Variants in GRIK2 observed in about 807,000 individuals in gnomAD.
GRIK2 encodes the protein glutamate ionotropic receptor kainate type subunit 2.
A neutral mutation model predicts 100.3 loss-of-function variants in GRIK2; 32 were observed. The ratio of observed to expected loss-of-function variants is 0.32; its 90% CI spans 0.24 to 0.43. The LOEUF (loss-of-function observed/expected upper bound fraction) is 0.43. Among genes scored for constraint, GRIK2 ranks in the 20% least tolerant of loss-of-function variants. The pLI is 1.00. For synonymous variants in GRIK2, 417 were observed against 389.4 expected, an observed-to-expected ratio of 1.07 and a Z score of -0.83; for missense variants, 843 against 1,114.9, an observed-to-expected ratio of 0.76 and a Z score of 3.47.
At chr6:101,975,839 C>CTATA (rs1554185812) in intron 14 of GRIK2, among the ~76,000 whole-genome samples, 1 of 151,836 alleles carries the variant, frequency 6.6e-6, no homozygotes, top group Non-Finnish European at 1.5e-5. Context: ...ATCTATCTAT[C>CTATA]TATCTATCCC....
chr6:101,867,626 T>C (rs1221589090), intron 11 of GRIK2, among the ~76,000 whole-genome samples: 2 of 151,934 alleles, frequency 1.3e-5, no homozygotes, highest in East Asian at 3.9e-4. Flanking sequence ...GCAGTAATAA[T>C]AGTTCTCAAA....
chr6:101,637,192 C>T (rs2128322852), intron 4 of GRIK2, among the ~76,000 whole-genome samples: 1 of 152,194 alleles, frequency 6.6e-6, no homozygotes, highest in South Asian at 2.1e-4. Context: ...CTCCCTAAAA[C>T]CTTTCATTTG....
At chr6:101,980,951 C>A (rs1467135777) in intron 14 of GRIK2, among the ~76,000 whole-genome samples, 1 of 107,826 alleles carries the variant, frequency 9.3e-6, no homozygotes, top group Non-Finnish European at 1.9e-5. Flanking sequence ...AGTCAACTAT[C>A]TTTTCCTTTT....
At chr6:101,916,723 T>G (rs150170506) in intron 12 of GRIK2, among the ~76,000 whole-genome samples, 162 of 151,816 alleles carry the variant, frequency 1.1e-3, no homozygotes, top group African/African-American at 3.8e-3. Context: ...ATAGTTTTCT[T>G]AAGTCATTTG....
At chr6:101,966,473 T>C (rs1792681893) in intron 14 of GRIK2, among the ~76,000 whole-genome samples, 1 of 152,056 alleles carries the variant, frequency 6.6e-6, no homozygotes, top group Non-Finnish European at 1.5e-5. Context: ...TGTAAGAAAA[T>C]AAGCATATTA....
intron 14 of GRIK2, among the ~76,000 whole-genome samples, chr6:101,988,979 A>G (rs530912655): frequency 6.6e-6 from 1 of 151,928 alleles, no homozygotes; most frequent in Non-Finnish European, 1.5e-5. Flanking sequence ...ACTCACTAGC[A>G]CTAGTAATTA....
At chr6:101,598,592 T>TAAAAAAAAAAA (rs75603851) in intron 2 of GRIK2, among the ~76,000 whole-genome samples, 2 of 82,394 alleles carry the variant, frequency 2.4e-5, no homozygotes, top group Non-Finnish European at 4.8e-5. Context: ...TCTTCCTTAA[T>TAAAAAAAAAAA]AAAAAAAAAA....
intron 2 of GRIK2, among the ~76,000 whole-genome samples, chr6:101,456,134 A>T (rs1254905486): frequency 1.5e-4 from 23 of 150,748 alleles, no homozygotes; most frequent in African/African-American, 5.4e-4. Context: ...TTTTTTTTTA[A>T]AAAAAGAGAA....
intron 5 of GRIK2, among the ~76,000 whole-genome samples, chr6:101,681,156 T>C (rs1771213730): frequency 6.6e-6 from 1 of 152,198 alleles, no homozygotes; most frequent in Non-Finnish European, 1.5e-5. Flanking sequence ...ATAGTAGGTG[T>C]ACATATTTAT....
chr6:101,809,798 C>G (rs1238134139), intron 9 of GRIK2, among the ~76,000 whole-genome samples: 5 of 151,914 alleles, frequency 3.3e-5, no homozygotes, highest in Admixed American at 3.3e-4. Flanking sequence ...TTGTCTAACT[C>G]TTATATAGAA....
intron 7 of GRIK2, among the ~76,000 whole-genome samples, chr6:101,725,988 TTTAA>T (rs760357897): frequency 7.9e-5 from 12 of 152,034 alleles, no homozygotes; most frequent in African/African-American, 1.7e-4. Context: ...TTTCTATAAA[TTTAA>T]TTAATAAAAA....
At chr6:101,626,343 TC>T in intron 3 of GRIK2, 36 bp from the exon 4 acceptor site, 1 of 1,572,604 alleles carries the variant, frequency 6.4e-7, no homozygotes. Flanking sequence ...CTGGCACCTC[TC>T]CTCTCATTAT....
At chr6:101,695,877 C>A (rs1181028076) in intron 7 of GRIK2, among the ~76,000 whole-genome samples, 1 of 151,916 alleles carries the variant, frequency 6.6e-6, no homozygotes, top group South Asian at 2.1e-4. Flanking sequence ...ATTGTTGAAT[C>A]TCTAATGGAA....
intron 7 of GRIK2, among the ~76,000 whole-genome samples, chr6:101,752,804 G>A (rs934917463): frequency 6.6e-6 from 1 of 152,128 alleles, no homozygotes; most frequent in African/African-American, 2.4e-5. Flanking sequence ...AGAGTACACA[G>A]TAAATTCAAA....
At chr6:101,864,209 G>A (rs1467878272) in intron 11 of GRIK2, among the ~76,000 whole-genome samples, 5 of 151,644 alleles carry the variant, frequency 3.3e-5, no homozygotes, top group East Asian at 1.9e-4. Context: ...CAGGACTATA[G>A]CCTTCTTTAA....
intron 2 of GRIK2, among the ~76,000 whole-genome samples, chr6:101,568,996 C>T (rs1280861196): frequency 6.6e-6 from 1 of 151,934 alleles, no homozygotes; most frequent in South Asian, 2.1e-4. Context: ...GAGGCAATTA[C>T]AAAGACAAGG....
chr6:101,437,516 C>T (rs1201114829), intron 2 of GRIK2, among the ~76,000 whole-genome samples: 1 of 152,058 alleles, frequency 6.6e-6, no homozygotes, highest in Non-Finnish European at 1.5e-5. Context: ...ATTTCCTTCT[C>T]TATTTCTTCA....
chr6:101,713,133 T>C (rs1243974425), intron 7 of GRIK2, among the ~76,000 whole-genome samples: 1 of 151,786 alleles, frequency 6.6e-6, no homozygotes, highest in Non-Finnish European at 1.5e-5. Context: ...AGCAAACCAA[T>C]GGGACTATGA....
chr6:101,714,464 T>TAA (rs144928990), intron 7 of GRIK2, among the ~76,000 whole-genome samples: 120 of 151,318 alleles, frequency 7.9e-4, no homozygotes, highest in African/African-American at 2.4e-3. Context: ...CTTTTGAGCT[T>TAA]AAAAAAAATA....
Sources: allele counts gnomAD v4.1 joint callset (sites outside exome capture counted in the v4.1 genomes callset), GRCh38; gene constraint gnomAD v4.1.1; transcripts MANE v1.5; gene names NCBI Gene and HGNC (gene_info 2026-07-23, HGNC 2026-07-21).